The following EYS variants were observed in gnomAD, a reference collection of about 807,000 sequenced individuals.
EYS encodes the protein protein eyes shut homolog.
EYS carries 250 observed loss-of-function variants against 282.1 expected under a neutral mutation model. The ratio of observed to expected loss-of-function variants is 0.89; its 90% CI spans 0.80 to 0.98. The LOEUF is 0.98. Ranked by LOEUF, EYS falls within the 50% of genes least tolerant of loss-of-function variation. EYS has a pLI of 0.00. For missense variants in EYS, 4,016 were observed against 3,709.0 expected, an observed-to-expected ratio of 1.08 and a Z score of -2.15; for synonymous variants, 1,355 against 1,282.9, an observed-to-expected ratio of 1.06 and a Z score of -1.20.
intron 12 of EYS, among the ~76,000 whole-genome samples, chr6:65,076,353 A>C (rs1024590199): frequency 6.6e-6 from 1 of 152,018 alleles, no homozygotes; most frequent in East Asian, 1.9e-4. Context: ...ATTGACAATG[A>C]CATGGCAAAA....
At chr6:65,261,087 A>C (rs992197458) in intron 12 of EYS, among the ~76,000 whole-genome samples, 1 of 152,034 alleles carries the variant, frequency 6.6e-6, no homozygotes, top group East Asian at 1.9e-4. Flanking sequence ...GTGGAGAATA[A>C]GAACATTTCA....
intron 31 of EYS, among the ~76,000 whole-genome samples, chr6:64,222,782 G>C (rs1766140756): frequency 1.3e-5 from 2 of 151,780 alleles, no homozygotes; most frequent in Admixed American, 1.3e-4. Context: ...TTTAGCATTT[G>C]GCCATAAAAC....
chr6:63,911,885 T>C (rs1410279108), intron 35 of EYS, among the ~76,000 whole-genome samples: 1 of 152,224 alleles, frequency 6.6e-6, no homozygotes, highest in Non-Finnish European at 1.5e-5. Context: ...TGAACATCTA[T>C]GTGTTGAGTA....
chr6:65,523,750 G>C (rs1767456775), intron 2 of EYS, among the ~76,000 whole-genome samples: 1 of 152,126 alleles, frequency 6.6e-6, no homozygotes, highest in South Asian at 2.1e-4. Flanking sequence ...AAATTATATA[G>C]CTACATCAGG....
intron 12 of EYS, among the ~76,000 whole-genome samples, chr6:65,079,350 CT>C (rs1774151773): frequency 6.6e-6 from 1 of 151,852 alleles, no homozygotes; most frequent in African/African-American, 2.4e-5. Flanking sequence ...AATTTAAAAA[CT>C]AATTCATTTG....
intron 33 of EYS, among the ~76,000 whole-genome samples, chr6:64,043,317 A>G (rs1562170807): frequency 6.6e-6 from 1 of 152,220 alleles, no homozygotes; most frequent in Non-Finnish European, 1.5e-5. Context: ...TCAGTACTCC[A>G]TATATAGGTA....
At chr6:65,559,416 AT>A (rs199757894) in intron 2 of EYS, among the ~76,000 whole-genome samples, 8 of 151,312 alleles carry the variant, frequency 5.3e-5, no homozygotes, top group Admixed American at 2.6e-4. Context: ...AAGAAAAAAA[AT>A]TTTTTTTGGC....
At chr6:64,170,294 G>T (rs186006384) in intron 31 of EYS, among the ~76,000 whole-genome samples, 32 of 152,308 alleles carry the variant, frequency 2.1e-4, no homozygotes, top group Admixed American at 5.9e-4. Flanking sequence ...AAAACACAAT[G>T]TATCCCCTAA....
chr6:65,443,529 A>T (rs1378164128), intron 5 of EYS, among the ~76,000 whole-genome samples: 1 of 151,762 alleles, frequency 6.6e-6, no homozygotes, highest in Non-Finnish European at 1.5e-5. Flanking sequence ...ATGTATATAC[A>T]TATACTTATG....
intron 42 of EYS, among the ~76,000 whole-genome samples, chr6:63,724,655 T>C (rs1032816953): frequency 6.6e-6 from 1 of 152,084 alleles, no homozygotes; most frequent in South Asian, 2.1e-4. Flanking sequence ...AAAATATCTT[T>C]CAAAAATCAG....
At chr6:64,644,062 T>G (rs1333659672) in intron 22 of EYS, among the ~76,000 whole-genome samples, 1 of 152,208 alleles carries the variant, frequency 6.6e-6, no homozygotes, top group Non-Finnish European at 1.5e-5. Flanking sequence ...TCAATTAAGT[T>G]TTCTTATATG....
intron 33 of EYS, among the ~76,000 whole-genome samples, chr6:64,060,696 A>T (rs2149851038): frequency 6.6e-6 from 1 of 152,298 alleles, no homozygotes; most frequent in East Asian, 1.9e-4. Context: ...TATCCCATAG[A>T]CATGGAGACG....
intron 31 of EYS, among the ~76,000 whole-genome samples, chr6:64,094,460 C>T (rs921062919): frequency 3.9e-5 from 6 of 152,082 alleles, no homozygotes; most frequent in Admixed American, 3.3e-4. Flanking sequence ...TCAGAGATTC[C>T]ACTTCTTCCT....
At chr6:65,197,319 G>C (rs1235607929) in intron 12 of EYS, among the ~76,000 whole-genome samples, 1 of 151,988 alleles carries the variant, frequency 6.6e-6, no homozygotes, top group African/African-American at 2.4e-5. Context: ...ACTTCTTTTT[G>C]CTTGATTAAG....
intron 36 of EYS, among the ~76,000 whole-genome samples, chr6:63,807,491 T>TC (rs1770936969): frequency 6.6e-6 from 1 of 152,240 alleles, no homozygotes; most frequent in Non-Finnish European, 1.5e-5. Context: ...AAGGCTTGTA[T>TC]ATCTTTGTTT....
chr6:65,178,723 T>A (rs1426492518), intron 12 of EYS, among the ~76,000 whole-genome samples: 1 of 152,042 alleles, frequency 6.6e-6, no homozygotes, highest in African/African-American at 2.4e-5. Flanking sequence ...AATAGACATC[T>A]ACAGAACTCT....
At chr6:64,952,342 ACTTATATAATTTTAAG>A (rs1399122730) in intron 14 of EYS, among the ~76,000 whole-genome samples, 1 of 151,978 alleles carries the variant, frequency 6.6e-6, no homozygotes, top group African/African-American at 2.4e-5. Context: ...AAGAATTATG[ACTTATATAATTTTAAG>A]CATGTTACTT....
intron 5 of EYS, among the ~76,000 whole-genome samples, chr6:65,473,869 T>C (rs1333090534): frequency 6.7e-6 from 1 of 149,922 alleles, no homozygotes; most frequent in Admixed American, 6.7e-5. Flanking sequence ...AAAGGAAATG[T>C]AGAATGATTC....
At chr6:64,732,498 G>A (rs1363077920) in intron 22 of EYS, among the ~76,000 whole-genome samples, 3 of 151,924 alleles carry the variant, frequency 2.0e-5, no homozygotes, top group Non-Finnish European at 4.4e-5. Context: ...TTAAAAAAAA[G>A]TAAAAGAGAT....
Sources: gnomAD v4.1 joint callset for allele counts (sites outside exome capture counted in the v4.1 genomes callset) on GRCh38, gnomAD v4.1.1 for gene constraint, MANE v1.5 for transcripts, NCBI Gene and HGNC (gene_info 2026-07-23, HGNC 2026-07-21) for gene names.